CCDC172: variants seen among roughly 807,000 people sequenced by gnomAD.
The protein encoded by CCDC172 is coiled-coil domain-containing protein 172.
A neutral mutation model predicts 38.0 loss-of-function variants in CCDC172; 30 were observed. The observed-to-expected ratio is 0.79, with a 90% CI of 0.59 to 1.07. CCDC172 has a LOEUF of 1.07. CCDC172 is among the 50% of genes least tolerant of loss of function. The pLI, the probability that CCDC172 is intolerant of heterozygous loss-of-function variation, is 0.00. For synonymous variants in CCDC172, 78 were observed against 88.3 expected (o/e 0.88, Z 0.66); for missense variants, 297 against 290.1 (o/e 1.02, Z -0.17).
intron 7 of CCDC172, among the ~76,000 whole-genome samples, chr10:116,359,768 GCTTA>G (rs528614061): frequency 9.6e-4 from 146 of 152,214 alleles, no homozygotes; most frequent in African/African-American, 3.2e-3. Flanking sequence ...ATTTCTATGA[GCTTA>G]CTGTTTCTAG....
chr10:116,329,177 A>G (rs150370499), intron 3 of CCDC172, among the ~76,000 whole-genome samples: 179 of 152,306 alleles, frequency 1.2e-3, no homozygotes, highest in African/African-American at 4.1e-3. Flanking sequence ...ATGAAATTCT[A>G]TAAAGAAAGC....
intron 5 of CCDC172, among the ~76,000 whole-genome samples, chr10:116,343,558 T>C (rs1486233369): frequency 6.6e-6 from 1 of 151,408 alleles, no homozygotes; most frequent in Non-Finnish European, 1.5e-5. Flanking sequence ...AAAGATAGCT[T>C]GCATTTGCAA....
At chr10:116,328,327 C>G (rs1844615989) in intron 3 of CCDC172, among the ~76,000 whole-genome samples, 1 of 151,966 alleles carries the variant, frequency 6.6e-6, no homozygotes, top group Non-Finnish European at 1.5e-5. Flanking sequence ...AGAACATGCC[C>G]TGGATTTGCA....
rs779334471 is a variant in CCDC172, at chr10:116,357,366, G to T, written c.449-14G>T. The T allele has an allele frequency of 5.3e-5, 79 of 1,484,810 alleles. 1 individual carries two copies. The highest frequency in any genetic ancestry group is 5.2e-4 in the South Asian group (41 of 78,664). The allele number at this position is 1,484,810 out of a possible 1,614,324, so 92.0% of individuals were successfully genotyped here. A position where few individuals can be genotyped will look rare whatever the true frequency, so the allele number is the denominator to read the frequency against. ...TAAGTATTTTATTTTTGATGCTTTT[G>T]TATCTGTTTCTAGAAATGAAGTCAA... On this transcript the variant is annotated splice_polypyrimidine_tract_variant and intron_variant, in intron 5 of 8. Transcript: ENST00000333254.
At chr10:116,353,429 A>G (rs1161465413) in intron 5 of CCDC172, among the ~76,000 whole-genome samples, 1 of 152,256 alleles carries the variant, frequency 6.6e-6, no homozygotes, top group East Asian at 1.9e-4. Flanking sequence ...AAAGGATACT[A>G]TCAAGGAAGT....
chr10:116,330,455 A>C (rs558310989), intron 3 of CCDC172, among the ~76,000 whole-genome samples: 1 of 152,330 alleles, frequency 6.6e-6, no homozygotes, highest in East Asian at 1.9e-4. Flanking sequence ...AAAACTGTGC[A>C]TAGATAAAAG....
intron 7 of CCDC172, among the ~76,000 whole-genome samples, chr10:116,372,745 A>G (rs912165486): frequency 6.6e-6 from 1 of 152,190 alleles, no homozygotes; most frequent in African/African-American, 2.4e-5. Flanking sequence ...CCTCTGAAAA[A>G]TAAAGATAAA....
chr10:116,324,813 CT>C (rs1311880483), intron 1 of CCDC172, 133 bp from the exon 2 acceptor site: 2 of 593,348 alleles, frequency 3.4e-6, no homozygotes, highest in African/African-American at 1.9e-5. Context: ...GCCAGCGTCC[CT>C]AGACCCTCAG....
At chr10:116,378,542 C>T (rs1845277068) in intron 8 of CCDC172, 32 bp downstream of exon 8, 2 of 1,554,728 alleles carry the variant, frequency 1.3e-6, no homozygotes, top group African/African-American at 1.4e-5. Flanking sequence ...AACTTTTGTT[C>T]AGCATTATTT....
intron 7 of CCDC172, among the ~76,000 whole-genome samples, chr10:116,364,135 T>C (rs2134959751): frequency 6.6e-6 from 1 of 152,262 alleles, no homozygotes; most frequent in Non-Finnish European, 1.5e-5. Context: ...CAAACATGGA[T>C]TAAACACCTA....
intron 5 of CCDC172, among the ~76,000 whole-genome samples, chr10:116,349,156 A>T (rs138708156): frequency 0.014 from 2,068 of 152,150 alleles, 23 homozygotes; most frequent in Non-Finnish European, 0.023. Flanking sequence ...GTCTCCCGTC[A>T]CCCCCAGATG....
intron 3 of CCDC172, among the ~76,000 whole-genome samples, chr10:116,328,007 T>C (rs1385468822): frequency 3.3e-5 from 5 of 152,136 alleles, no homozygotes; most frequent in Non-Finnish European, 7.4e-5. Flanking sequence ...TAATAGAACA[T>C]AATTTGAATA....
At chr10:116,343,289 A>T (rs1844818174) in intron 5 of CCDC172, among the ~76,000 whole-genome samples, 1 of 152,138 alleles carries the variant, frequency 6.6e-6, no homozygotes, top group Admixed American at 6.6e-5. Context: ...GTTGCCCTTC[A>T]TATTCCCAAT....
chr10:116,344,691 A>G (rs1260315281), intron 5 of CCDC172, among the ~76,000 whole-genome samples: 2 of 152,188 alleles, frequency 1.3e-5, no homozygotes, highest in Non-Finnish European at 2.9e-5. Flanking sequence ...GTAAATTAAC[A>G]TTAACTTCAG....
chr10:116,378,419 A>G lies in CCDC172; in HGVS notation c.654-4A>G, dbSNP rs780699106. 5.7e-6 allele frequency: 9 copies of G among 1,586,734 alleles called. No individual in the cohort carries two copies. Among genetic ancestry groups the G allele is most frequent in the African/African-American group, 1.4e-5 (1 of 73,210 alleles). ...CTAACAGGTGAAATTTTCTTTTAAA[A>G]TAGACTTAAAAAAGAATTAGAACTT... is the stretch of plus-strand genomic sequence containing the variant. On this transcript the variant is annotated splice_polypyrimidine_tract_variant and splice_region_variant and intron_variant, in intron 7 of 8. Coordinates refer to ENST00000333254, the MANE Select transcript of CCDC172 (RefSeq NM_198515.3).
rs528698261 is a variant in CCDC172 at position 116,359,374 on chromosome 10, A to T, written c.653+1436A>T. On this transcript the variant is annotated intron_variant, in intron 7 of 8. Coordinates refer to ENST00000333254, the MANE Select transcript of CCDC172 (RefSeq NM_198515.3). Reference sequence around the variant, plus strand: ...ATCTCTGTGTTCAAATGTATATGGAATTCCATAATAGTTGCATTTCTCTTA... The same window carrying T: ...ATCTCTGTGTTCAAATGTATATGGATTTCCATAATAGTTGCATTTCTCTTA... Among the ~76,000 whole-genome samples, 262 of 152,348 alleles carry T rather than the reference A, an allele frequency of 1.7e-3. 4 individuals are homozygous for T. In the South Asian group the frequency reaches 0.024, roughly 14 times the overall value.
At chr10:116,333,215 T>C (rs928217035) in intron 3 of CCDC172, among the ~76,000 whole-genome samples, 1 of 152,226 alleles carries the variant, frequency 6.6e-6, no homozygotes, top group African/African-American at 2.4e-5. Context: ...GTTGTTATTC[T>C]GTGAGATTTG....
chr10:116,345,571 A>G (rs1014074515), intron 5 of CCDC172, among the ~76,000 whole-genome samples: 5 of 152,236 alleles, frequency 3.3e-5, no homozygotes, highest in Admixed American at 3.3e-4. Context: ...ATATCTTCCA[A>G]TGTACTGTTA....
intron 5 of CCDC172, among the ~76,000 whole-genome samples, chr10:116,352,959 C>T (rs1400777953): frequency 6.6e-6 from 1 of 151,936 alleles, no homozygotes; most frequent in Non-Finnish European, 1.5e-5. Flanking sequence ...TTTGGGAGGC[C>T]AAGGCGGGTG....
Sources: gnomAD v4.1 joint callset for allele counts (sites outside exome capture counted in the v4.1 genomes callset) on GRCh38, gnomAD v4.1.1 for gene constraint, MANE v1.5 for transcripts, NCBI Gene and HGNC (gene_info 2026-07-23, HGNC 2026-07-21) for gene names.